Variants in MALRD1 observed in about 807,000 individuals in gnomAD.
MALRD1 encodes the protein MAM and LDL receptor class A domain containing 1, also known as MAM and LDL-receptor class A domain-containing protein 1.
A neutral mutation model predicts 242.1 loss-of-function variants in MALRD1; 247 were observed. That is an observed-to-expected ratio of 1.02 (90% CI 0.92 to 1.13). The LOEUF is 1.13. Ranked by LOEUF, MALRD1 falls within the 50% of genes most tolerant of loss-of-function variation. The probability of loss-of-function intolerance (pLI) is 0.00; values close to 1 mark genes in which losing one functional copy is unlikely to be tolerated. For missense variants in MALRD1, 2,989 were observed against 2,533.1 expected, an observed-to-expected ratio of 1.18 and a Z score of -3.86; for synonymous variants, 995 against 866.6, an observed-to-expected ratio of 1.15 and a Z score of -2.60.
chr10:19,657,530 A>AT (rs201775993), intron 36 of MALRD1, among the ~76,000 whole-genome samples: 1 of 148,892 alleles, frequency 6.7e-6, no homozygotes, highest in Non-Finnish European at 1.5e-5. Flanking sequence ...CAGAATTGAG[A>AT]TTTTTTTTCT....
chr10:19,185,691 A>G (rs1283129073), intron 14 of MALRD1, among the ~76,000 whole-genome samples: 1 of 152,146 alleles, frequency 6.6e-6, no homozygotes, highest in Non-Finnish European at 1.5e-5. Context: ...TTATGTACTC[A>G]GTATTGACCA....
chr10:19,530,790 G>A (rs1288552069), intron 31 of MALRD1, among the ~76,000 whole-genome samples: 2 of 152,064 alleles, frequency 1.3e-5, no homozygotes, highest in Non-Finnish European at 2.9e-5. Flanking sequence ...ACCCTGGCCA[G>A]TGTGGGAATC....
In MALRD1 at chr10:19,570,827, A is replaced by G. The variant is rs112900802; in HGVS notation, c.5680+3124A>G. Among the ~76,000 whole-genome samples, 1,023 of 152,162 alleles carry G rather than the reference A, an allele frequency of 6.7e-3. 8 individuals carry two copies. Among genetic ancestry groups the G allele is most frequent in the African/African-American group, 0.02 (846 of 41,552 alleles). ...AATATGAATTATTTTTCTTTTCTTC[A>G]TGGTATTTTTCTTCCATATTTTTAA... On this transcript the variant is annotated intron_variant, in intron 33 of 39. Coordinates refer to ENST00000454679, the MANE Select transcript of MALRD1 (RefSeq NM_001142308.3).
chr10:19,495,112 G>A (rs569267850), intron 30 of MALRD1, among the ~76,000 whole-genome samples: 1 of 152,096 alleles, frequency 6.6e-6, no homozygotes, highest in East Asian at 1.9e-4. Context: ...TAGCAGCTTG[G>A]ATTACAAGTG....
At chr10:19,431,842 A>T (rs868296158) in intron 28 of MALRD1, among the ~76,000 whole-genome samples, 1 of 152,188 alleles carries the variant, frequency 6.6e-6, no homozygotes, top group Admixed American at 6.6e-5. Context: ...TTCATGAACG[A>T]CAATGTGCCA....
At chr10:19,113,434 TTTC>T (rs1045953715) in intron 5 of MALRD1, among the ~76,000 whole-genome samples, 6 of 150,788 alleles carry the variant, frequency 4.0e-5, no homozygotes, top group African/African-American at 1.5e-4. Flanking sequence ...TTCCATGACT[TTTC>T]TTTTTCTTCT....
intron 4 of MALRD1, among the ~76,000 whole-genome samples, chr10:19,097,923 A>T (rs1042789756): frequency 6.6e-6 from 1 of 152,176 alleles, no homozygotes; most frequent in Admixed American, 6.5e-5. Flanking sequence ...CCTGTGTATA[A>T]ACATGTATTG....
At chr10:19,201,503 A>G (rs1836540766) in intron 14 of MALRD1, among the ~76,000 whole-genome samples, 1 of 152,184 alleles carries the variant, frequency 6.6e-6, no homozygotes, top group African/African-American at 2.4e-5. Flanking sequence ...GATATTATAC[A>G]TTAATAATAA....
At chr10:19,553,140 A>G (rs1166320498) in intron 32 of MALRD1, among the ~76,000 whole-genome samples, 2 of 152,126 alleles carry the variant, frequency 1.3e-5, no homozygotes, top group Non-Finnish European at 2.9e-5. Flanking sequence ...CATATAATGT[A>G]TGTGGTTATT....
At chr10:19,465,694 A>G (rs560730154) in intron 29 of MALRD1, among the ~76,000 whole-genome samples, 2 of 152,232 alleles carry the variant, frequency 1.3e-5, no homozygotes, top group Admixed American at 1.3e-4. Flanking sequence ...CAGCACATCC[A>G]GCTAATTTTT....
chr10:19,178,829 T>G (rs10827025), intron 14 of MALRD1, among the ~76,000 whole-genome samples: 15,246 of 152,162 alleles, frequency 0.1, 821 homozygotes, highest in East Asian at 0.18. Context: ...TGAAACTAAT[T>G]GCTGTGAGTG....
chr10:19,315,057 T>A (rs1842591348), intron 21 of MALRD1, among the ~76,000 whole-genome samples: 2 of 143,592 alleles, frequency 1.4e-5, no homozygotes, highest in African/African-American at 2.5e-5. Context: ...TAAATATAAT[T>A]TATATAAATA....
chr10:19,709,005 A>G (rs545969781), intron 38 of MALRD1, among the ~76,000 whole-genome samples: 1 of 119,116 alleles, frequency 8.4e-6, no homozygotes, highest in East Asian at 2.6e-4. Flanking sequence ...TCACAGAAAC[A>G]TGGATAAGCC....
chr10:19,281,814 G>T (rs1489983366), intron 20 of MALRD1, among the ~76,000 whole-genome samples: 1 of 151,842 alleles, frequency 6.6e-6, no homozygotes, highest in Non-Finnish European at 1.5e-5. Flanking sequence ...TCTACAAAAA[G>T]AATACACAAA....
rs896477557 is a variant in MALRD1 at position 19,119,181 on chromosome 10, C to T, written c.695-4311C>T. Among the ~76,000 whole-genome samples, 19 of 152,040 alleles carry T rather than the reference C, an allele frequency of 1.2e-4. 1 individual carries two copies. The highest frequency in any genetic ancestry group is 4.6e-4 in the Admixed American group (7 of 15,250). ...GAGTCATGGAAGACCCCAAATTTCT[C>T]GCCTTAACTAGAAGGATGGAGTTTC... is the stretch of plus-strand genomic sequence containing the variant. On this transcript the variant is annotated intron_variant, in intron 5 of 39. Coordinates refer to ENST00000454679, the MANE Select transcript of MALRD1 (RefSeq NM_001142308.3).
intron 3 of MALRD1, 36 bp downstream of exon 3, chr10:19,087,970 C>A (rs1033192317): frequency 8.1e-7 from 1 of 1,232,216 alleles, no homozygotes; most frequent in Admixed American, 4.2e-5. Context: ...AATATTTTGT[C>A]ACATTTGGGG....
In MALRD1 at chr10:19,350,520, A is replaced by G. The variant is rs569094809; in HGVS notation, c.4150-1486A>G. 2.6e-5 allele frequency among the ~76,000 whole-genome samples: 4 copies of G among 151,902 alleles called. No homozygotes were observed. The South Asian group carries it at 8.3e-4, about 31-fold the overall frequency. ...TCGAACTCCTGACCTCAGGTGATCC[A>G]CCTACCTTGGCCTCCCAAAGTGAGG... On this transcript the variant is annotated intron_variant, in intron 25 of 39. Coordinates refer to ENST00000454679, the MANE Select transcript of MALRD1 (RefSeq NM_001142308.3).
chr10:19,280,118 A>C lies in MALRD1; in HGVS notation c.3151A>C (p.Thr1051Pro). The C allele has an allele frequency of 1.9e-6, 3 of 1,545,820 alleles. No individual in the cohort carries two copies. The highest frequency in any genetic ancestry group is 2.6e-6 in the Non-Finnish European group (3 of 1,145,380). Reference protein sequence around the residue: ...VPVTLPPHNCTDNEFICRSDG... With the variant: ...VPVTLPPHNCPDNEFICRSDG... Reference sequence around the variant, plus strand: ...TGTAACATTACCTCCACACAACTGCACAGACAATGAATTTATCTGCAGGTC... The same window carrying C: ...TGTAACATTACCTCCACACAACTGCCCAGACAATGAATTTATCTGCAGGTC... Residue 1051 changes from threonine (T) to proline (P), a missense_variant, in exon 20 of 40, where the codon ACA (threonine) becomes CCA (proline). Physicochemically the swap from Thr to Pro is conservative, Grantham distance 38 (BLOSUM62 -1). Transcript: ENST00000454679.
intron 26 of MALRD1, among the ~76,000 whole-genome samples, chr10:19,358,720 T>C (rs1235423412): frequency 6.6e-6 from 1 of 152,200 alleles, no homozygotes; most frequent in Non-Finnish European, 1.5e-5. Context: ...TGGAACAATG[T>C]ATGGAATACA....
Sources: allele counts gnomAD v4.1 joint callset (sites outside exome capture counted in the v4.1 genomes callset), GRCh38; gene constraint gnomAD v4.1.1; transcripts MANE v1.5; gene names NCBI Gene and HGNC (gene_info 2026-07-23, HGNC 2026-07-21).